SPOCK1: variants seen among roughly 807,000 people sequenced by gnomAD.
The protein encoded by SPOCK1 is SPARC (osteonectin), cwcv and kazal like domains proteoglycan 1, also known as testican-1.
SPOCK1 carries 23 observed loss-of-function variants against 55.3 expected under a neutral mutation model. The ratio of observed to expected loss-of-function variants is 0.42; its 90% confidence interval spans 0.30 to 0.59. The LOEUF is 0.59. SPOCK1 is among the 20% of genes least tolerant of loss of function. The pLI, the probability that SPOCK1 is intolerant of heterozygous loss-of-function variation, is 0.22. For synonymous variants in SPOCK1, 226 were observed against 221.0 expected (o/e 1.02, Z -0.20); for missense variants, 499 against 552.5 (o/e 0.90, Z 0.97).
chr5:137,466,121 C>T (rs1422422356), intron 2 of SPOCK1, among the ~76,000 whole-genome samples: 1 of 152,200 alleles, frequency 6.6e-6, no homozygotes, highest in African/African-American at 2.4e-5. Context: ...CAAACAATTA[C>T]TCGATTTAAT....
chr5:137,424,137 T>C (rs1016431068), intron 2 of SPOCK1, among the ~76,000 whole-genome samples: 1 of 151,996 alleles, frequency 6.6e-6, no homozygotes, highest in Non-Finnish European at 1.5e-5. Flanking sequence ...CTCAGTCTTT[T>C]GGGAGGCCAA....
intron 3 of SPOCK1, among the ~76,000 whole-genome samples, chr5:137,216,709 TA>T (rs34913713): frequency 4.7e-5 from 7 of 150,168 alleles, no homozygotes; most frequent in East Asian, 1.9e-4. Flanking sequence ...AGACTTCGTC[TA>T]AAAAAAAAGG....
At chr5:137,258,368 C>G (rs911209978) in intron 3 of SPOCK1, among the ~76,000 whole-genome samples, 1 of 152,208 alleles carries the variant, frequency 6.6e-6, no homozygotes, top group African/African-American at 2.4e-5. Flanking sequence ...AATTGCTACA[C>G]AGTACAATTG....
intron 4 of SPOCK1, among the ~76,000 whole-genome samples, chr5:137,132,798 T>G (rs926414086): frequency 1.3e-5 from 2 of 152,120 alleles, no homozygotes; most frequent in African/African-American, 4.8e-5. Context: ...TTTGTTGTTT[T>G]TTGTTGTTGT....
At chr5:137,344,741 A>C (rs1177127031) in intron 2 of SPOCK1, among the ~76,000 whole-genome samples, 1 of 152,202 alleles carries the variant, frequency 6.6e-6, no homozygotes, top group East Asian at 1.9e-4. Context: ...GTTTCACATA[A>C]AGTATTTAGT....
chr5:137,086,790 A>G (rs1239764522), intron 5 of SPOCK1, among the ~76,000 whole-genome samples: 2 of 152,238 alleles, frequency 1.3e-5, no homozygotes, highest in South Asian at 2.1e-4. Flanking sequence ...TTTCGAGTTA[A>G]TAATAGGGAA....
At chr5:137,417,972 AG>A (rs1387729440) in intron 2 of SPOCK1, among the ~76,000 whole-genome samples, 1 of 151,898 alleles carries the variant, frequency 6.6e-6, no homozygotes, top group African/African-American at 2.4e-5. Context: ...ACCCTACAAC[AG>A]GCCCTGGTGT....
At position 137,067,814 on chromosome 5, in the gene SPOCK1, G is replaced by A. The variant is rs780813471; in HGVS notation, c.490C>T (p.His164Tyr). ...SYTSKCKLEF[H>Y]ACSTGKSLAT... ...AGGCTTTTGCCAGTAGAACAAGCAT[G>A]GAACTCCAATTTGCACTGCAAAAGA... Residue 164 changes from histidine to tyrosine, a missense_variant, in exon 6 of 11, where the codon CAT becomes TAT. By Grantham distance (83) the His-to-Tyr change is moderately conservative (BLOSUM62 2). Transcript: ENST00000394945. The A allele has an allele frequency of 7.4e-6, 12 of 1,613,910 alleles. No homozygotes were observed. Among genetic ancestry groups the A allele is most frequent in the Non-Finnish European group, 9.3e-6 (11 of 1,179,972 alleles).
intron 3 of SPOCK1, among the ~76,000 whole-genome samples, chr5:137,233,259 A>G (rs1756102841): frequency 6.6e-6 from 1 of 150,820 alleles, no homozygotes; most frequent in African/African-American, 2.5e-5. Flanking sequence ...ACCATAACAT[A>G]GAATCAGTGG....
At chr5:137,160,429 A>G (rs1476147589) in intron 3 of SPOCK1, among the ~76,000 whole-genome samples, 1 of 126,368 alleles carries the variant, frequency 7.9e-6, no homozygotes, top group Non-Finnish European at 1.6e-5. Context: ...AATATAATAT[A>G]TATATTATAT....
At chr5:137,026,870 G>A (rs1052125296) in intron 6 of SPOCK1, among the ~76,000 whole-genome samples, 5 of 152,112 alleles carry the variant, frequency 3.3e-5, no homozygotes, top group Admixed American at 6.5e-5. Context: ...TTATTCATTC[G>A]TTTGATAAAT....
rs138295638 is a variant in SPOCK1, at chr5:137,176,313, A to G, written c.233-35619T>C. On this transcript the variant is annotated intron_variant, in intron 3 of 10. Coordinates refer to ENST00000394945, the MANE Select transcript of SPOCK1 (RefSeq NM_004598.4). Reference sequence around the variant, plus strand: ...ATCTTGAACAGGCTCACAGGTAGGCATTCTCTTGGCAGTGAACACAATAGC... The same window carrying G: ...ATCTTGAACAGGCTCACAGGTAGGCGTTCTCTTGGCAGTGAACACAATAGC... 5.0e-3 allele frequency among the ~76,000 whole-genome samples: 757 copies of G among 152,252 alleles called. 7 individuals carry two copies. Among genetic ancestry groups the G allele is most frequent in the African/African-American group, 0.017 (717 of 41,540 alleles).
At chr5:137,346,027 G>A (rs7716734) in intron 2 of SPOCK1, among the ~76,000 whole-genome samples, 4,556 of 152,282 alleles carry the variant, frequency 0.03, 109 homozygotes, top group South Asian at 0.064. Context: ...GCTGCCCAAG[G>A]CCATGGGGCT....
intron 2 of SPOCK1, among the ~76,000 whole-genome samples, chr5:137,452,729 A>G (rs560689512): frequency 6.6e-6 from 1 of 152,220 alleles, no homozygotes; most frequent in Admixed American, 6.5e-5. Flanking sequence ...TGCAAAAGCT[A>G]TAGTTTCCCT....
chr5:137,223,823 A>T (rs1036073206), intron 3 of SPOCK1, among the ~76,000 whole-genome samples: 44 of 152,308 alleles, frequency 2.9e-4, no homozygotes, highest in African/African-American at 8.4e-4. Context: ...CTGAAAAAAA[A>T]ATATAAAGCT....
At chr5:137,132,059 C>CAGCT (rs1217374105) in intron 4 of SPOCK1, among the ~76,000 whole-genome samples, 1 of 131,198 alleles carries the variant, frequency 7.6e-6, no homozygotes, top group Non-Finnish European at 1.6e-5. Context: ...CCTGTAGTCC[C>CAGCT]AGCTACTCAG....
chr5:137,040,286 A>G (rs1561588006), intron 6 of SPOCK1, among the ~76,000 whole-genome samples: 1 of 152,246 alleles, frequency 6.6e-6, no homozygotes, highest in Non-Finnish European at 1.5e-5. Context: ...GGCTTGGATT[A>G]CTGTTCAATG....
intron 2 of SPOCK1, among the ~76,000 whole-genome samples, chr5:137,479,358 T>C (rs935504759): frequency 6.6e-6 from 1 of 152,214 alleles, no homozygotes; most frequent in Non-Finnish European, 1.5e-5. Flanking sequence ...AACCACTGCA[T>C]GCATATCCAT....
chr5:137,417,462 A>T (rs1752363358), intron 2 of SPOCK1, among the ~76,000 whole-genome samples: 1 of 151,974 alleles, frequency 6.6e-6, no homozygotes, highest in Non-Finnish European at 1.5e-5. Context: ...CCACCACACC[A>T]ATCAGTCAAG....
Sources: gnomAD v4.1 joint callset for allele counts (sites outside exome capture counted in the v4.1 genomes callset) on GRCh38, gnomAD v4.1.1 for gene constraint, MANE v1.5 for transcripts, NCBI Gene and HGNC (gene_info 2026-07-23, HGNC 2026-07-21) for gene names.